Variants in ADGRV1 observed in about 807,000 individuals in gnomAD.
ADGRV1 encodes G-protein coupled receptor 98.
In ADGRV1, 359 loss-of-function variants were observed where a neutral mutation model predicts 596.2. That is an observed-to-expected ratio of 0.60 (90% confidence interval 0.55 to 0.66). The LOEUF (loss-of-function observed/expected upper bound fraction) is 0.66. ADGRV1 is among the 30% of genes least tolerant of loss of function. ADGRV1 has a pLI of 0.00. For missense variants in ADGRV1, 7,274 were observed against 7,575.6 expected (o/e 0.96, Z 1.48); for synonymous variants, 2,681 against 2,679.2 (o/e 1.00, Z -0.02).
At chr5:90,830,030 G>C (rs1013268045) in intron 77 of ADGRV1, among the ~76,000 whole-genome samples, 1 of 152,088 alleles carries the variant, frequency 6.6e-6, no homozygotes, top group African/African-American at 2.4e-5. Context: ...TTCATTAAAA[G>C]TTCCCTTTAG....
chr5:90,691,076 A>C (rs931997398), intron 31 of ADGRV1, 35 bp downstream of exon 31: 17 of 1,612,220 alleles, frequency 1.1e-5, no homozygotes, highest in Non-Finnish European at 1.4e-5. Flanking sequence ...TGACACTGTA[A>C]ATCATACCGT....
chr5:91,050,170 G>T (rs1235054593), intron 85 of ADGRV1, among the ~76,000 whole-genome samples: 1 of 152,188 alleles, frequency 6.6e-6, no homozygotes. Flanking sequence ...TATTCCTTGG[G>T]TGGTATCTTG....
intron 83 of ADGRV1, among the ~76,000 whole-genome samples, chr5:90,956,649 G>A (rs745705636): frequency 3.3e-5 from 5 of 152,130 alleles, no homozygotes; most frequent in Non-Finnish European, 5.9e-5. Context: ...CTTTGCACTC[G>A]TTGTTCTTCC....
chr5:90,800,434 G>A (rs1761231450), intron 70 of ADGRV1, among the ~76,000 whole-genome samples: 1 of 151,362 alleles, frequency 6.6e-6, no homozygotes. Flanking sequence ...ACAGATGCTG[G>A]AGAGGATGTG....
At chr5:90,903,433 C>T (rs1486647600) in intron 83 of ADGRV1, among the ~76,000 whole-genome samples, 1 of 151,854 alleles carries the variant, frequency 6.6e-6, no homozygotes, top group East Asian at 1.9e-4. Flanking sequence ...TACTAGTCCC[C>T]TACCAGTTTA....
chr5:90,629,051 G>GT (rs1765161335), intron 8 of ADGRV1, 159 bp from the exon 9 acceptor site: 4 of 644,930 alleles, frequency 6.2e-6, no homozygotes, highest in Non-Finnish European at 9.6e-6. Flanking sequence ...TTCCAAATCT[G>GT]TTTTTGGTTC....
At position 90,653,407 on chromosome 5, in the gene ADGRV1, T is replaced by C. The variant is rs1768925534; in HGVS notation, c.3833T>C (p.Phe1278Ser). The C allele has an allele frequency of 1.2e-6, 2 of 1,613,984 alleles. No homozygotes were observed. Among genetic ancestry groups the C allele is most frequent in the African/African-American group, 1.3e-5 (1 of 75,046 alleles). The change falls in exon 20 of 90, where the codon TTT (phenylalanine) becomes TCT (serine). Residue 1278 changes from phenylalanine (F) to serine (S), a missense_variant. This residue lies in a region of ADGRV1 where 1,715 missense variants were observed against 1,708.8 expected (regional missense o/e 1.00). Coordinates refer to ENST00000405460, the MANE Select transcript of ADGRV1 (RefSeq NM_032119.4). Reference protein sequence around the residue: ...NFTILRQQGVFGDVQLGWEIL... With the variant: ...NFTILRQQGVSGDVQLGWEIL... ...ACCATTTTGAGGCAGCAGGGTGTGT[T>C]TGGTGATGTACAACTGGGCTGGGAA...
intron 77 of ADGRV1, among the ~76,000 whole-genome samples, chr5:90,838,282 C>T (rs1464897236): frequency 3.3e-5 from 5 of 151,750 alleles, no homozygotes; most frequent in Admixed American, 6.6e-5. Flanking sequence ...CAATCACTTC[C>T]TCCTTCCTGA....
At chr5:91,113,761 A>G (rs1792593367) in intron 87 of ADGRV1, among the ~76,000 whole-genome samples, 1 of 151,978 alleles carries the variant, frequency 6.6e-6, no homozygotes, top group African/African-American at 2.4e-5. Flanking sequence ...TCTACTAGAA[A>G]TATAAAAATT....
intron 20 of ADGRV1, chr5:90,655,124 A>G (rs1237786015): frequency 6.6e-6 from 1 of 152,286 alleles, no homozygotes. Flanking sequence ...ACTTAAATTC[A>G]TCAGTTTCAG....
rs1246413518 is a variant in ADGRV1 at position 90,907,906 on chromosome 5, A to C, written c.17856+44049A>C. Reference sequence around the variant, plus strand: ...TACTGTGTCACCCAGGCTGGAGTGCAGTGGTGCAGTCTCGGCTTACTGCAA... The same window carrying C: ...TACTGTGTCACCCAGGCTGGAGTGCCGTGGTGCAGTCTCGGCTTACTGCAA... On this transcript the variant is annotated intron_variant, in intron 83 of 89. Coordinates refer to ENST00000405460, the MANE Select transcript of ADGRV1 (RefSeq NM_032119.4). Among the ~76,000 whole-genome samples, 3 of 152,126 alleles carry C rather than the reference A, an allele frequency of 2.0e-5. No homozygotes were observed. In the South Asian group the frequency reaches 6.2e-4, roughly 32 times the overall value.
At chr5:90,725,895 T>C (rs1751710941) in intron 48 of ADGRV1, among the ~76,000 whole-genome samples, 1 of 152,202 alleles carries the variant, frequency 6.6e-6, no homozygotes, top group Admixed American at 6.5e-5. Flanking sequence ...AACATTTAAT[T>C]AGAATTTAAC....
In ADGRV1 at chr5:91,098,865, C is replaced by T. The variant is rs115150640; in HGVS notation, c.18311-3354C>T. ...AAAATGTGCATGTCCCTTTGTACTC[C>T]GCCCAGAGCCATAAATAGAATTTTG... On this transcript the variant is annotated intron_variant, in intron 86 of 89. Transcript: ENST00000405460. Among the ~76,000 whole-genome samples the T allele has an allele frequency of 2.0e-3, 302 of 152,210 alleles. 1 individual carries two copies. Among genetic ancestry groups the T allele is most frequent in the African/African-American group, 7.0e-3 (290 of 41,552 alleles).
At chr5:91,075,033 T>C (rs540192440) in intron 86 of ADGRV1, among the ~76,000 whole-genome samples, 7 of 152,164 alleles carry the variant, frequency 4.6e-5, no homozygotes, top group Non-Finnish European at 1.0e-4. Context: ...AATGGGCTTG[T>C]TTGGTTTTTG....
intron 86 of ADGRV1, among the ~76,000 whole-genome samples, chr5:91,100,366 G>C (rs1190530987): frequency 6.6e-6 from 1 of 152,124 alleles, no homozygotes; most frequent in African/African-American, 2.4e-5. Context: ...CAAGCCTGCA[G>C]TGAGCTGTGA....
chr5:90,680,502 C>T (rs1744799989), intron 26 of ADGRV1, among the ~76,000 whole-genome samples: 1 of 152,130 alleles, frequency 6.6e-6, no homozygotes, highest in Non-Finnish European at 1.5e-5. Context: ...CAGCTTTTTA[C>T]CTCAAATATT....
At chr5:90,693,523 G>A (rs1424146700) in intron 32 of ADGRV1, among the ~76,000 whole-genome samples, 2 of 151,932 alleles carry the variant, frequency 1.3e-5, no homozygotes, top group African/African-American at 4.8e-5. Flanking sequence ...GATAGGGAGG[G>A]CTGACTGTTA....
chr5:90,565,514 T>A (rs1755529428), intron 1 of ADGRV1, among the ~76,000 whole-genome samples: 1 of 152,258 alleles, frequency 6.6e-6, no homozygotes, highest in South Asian at 2.1e-4. Flanking sequence ...TAGCAATACT[T>A]CAATCCTTTT....
intron 88 of ADGRV1, among the ~76,000 whole-genome samples, 196 bp downstream of exon 88, chr5:91,150,417 G>C (rs1001855195): frequency 1.3e-5 from 2 of 152,076 alleles, no homozygotes; most frequent in Admixed American, 6.5e-5. Context: ...TATGGTACTT[G>C]GTTTCCTTAC....
Sources: allele counts gnomAD v4.1 joint callset (sites outside exome capture counted in the v4.1 genomes callset), GRCh38; gene constraint gnomAD v4.1.1; regional missense constraint gnomAD v4.1.1; transcripts MANE v1.5; gene names NCBI Gene and HGNC (gene_info 2026-07-23, HGNC 2026-07-21).